ARAP2: variants seen among roughly 807,000 people sequenced by gnomAD.
ARAP2 encodes arf-GAP with Rho-GAP domain, ANK repeat and PH domain-containing protein 2.
ARAP2 carries 148 observed loss-of-function variants against 194.5 expected under a neutral mutation model. That is an observed-to-expected ratio of 0.76 (90% confidence interval 0.67 to 0.87). ARAP2 has a LOEUF of 0.87. ARAP2 is among the 40% of genes least tolerant of loss of function. The probability of loss-of-function intolerance (pLI) is 0.00; values close to 1 mark genes in which losing one functional copy is unlikely to be tolerated. For synonymous variants in ARAP2, 695 were observed against 683.5 expected, an observed-to-expected ratio of 1.02 and a Z score of -0.26; for missense variants, 2,128 against 1,989.7, an observed-to-expected ratio of 1.07 and a Z score of -1.32.
chr4:36,150,843 C>G (rs1450687705), intron 16 of ARAP2, 57 bp downstream of exon 16: 11 of 1,538,080 alleles, frequency 7.2e-6, no homozygotes, highest in Non-Finnish European at 9.7e-6. Flanking sequence ...CTCTCATTAC[C>G]TGTTATAATT....
intron 5 of ARAP2, among the ~76,000 whole-genome samples, chr4:36,034,702 C>T (rs187158127): frequency 6.6e-5 from 10 of 152,114 alleles, no homozygotes; most frequent in Non-Finnish European, 1.0e-4. Context: ...CAGCTTTTGC[C>T]TGTTCAGTAT....
intron 32 of ARAP2, among the ~76,000 whole-genome samples, chr4:36,071,258 TA>T (rs1240693257): frequency 6.6e-6 from 1 of 152,178 alleles, no homozygotes; most frequent in Non-Finnish European, 1.5e-5. Flanking sequence ...AACAGCACTA[TA>T]AGGTGGGGGC....
chr4:36,194,877 A>G (rs1742733561), intron 6 of ARAP2, among the ~76,000 whole-genome samples: 1 of 149,254 alleles, frequency 6.7e-6, no homozygotes, highest in African/African-American at 2.4e-5. Flanking sequence ...CTAATTACAG[A>G]AAAAAAATAT....
In ARAP2 at chr4:36,165,179, G is replaced by A. The variant is rs77644774; in HGVS notation, c.1974-66C>T. 2,048 of 1,479,280 alleles carry A rather than the reference G, an allele frequency of 1.4e-3. 30 individuals carry two copies. In the African/African-American group the frequency reaches 0.025, roughly 18 times the overall value. The allele number at this position is 1,479,280 out of a possible 1,614,324, so 91.6% of individuals were successfully genotyped here. On this transcript the variant is annotated intron_variant, in intron 10 of 32. Transcript: ENST00000303965. ...AAAGGCCAATTAAGCAGTATGTTCAGTTTGCATATTCATTTCACTCACAAA... is the reference window on the plus strand; with the variant it reads ...AAAGGCCAATTAAGCAGTATGTTCAATTTGCATATTCATTTCACTCACAAA...
At chr4:36,124,523 C>T (rs754591368) in intron 22 of ARAP2, among the ~76,000 whole-genome samples, 3 of 151,852 alleles carry the variant, frequency 2.0e-5, no homozygotes, top group African/African-American at 4.8e-5. Context: ...AAGATATAAA[C>T]TGATAATAAA....
chr4:36,227,667 G>T (rs937762497), intron 2 of ARAP2, among the ~76,000 whole-genome samples: 16 of 152,108 alleles, frequency 1.1e-4, no homozygotes, highest in African/African-American at 3.9e-4. Flanking sequence ...ACTCCAGCGT[G>T]GAGCCTGTGC....
chr4:36,229,450 C>T lies in ARAP2; in HGVS notation c.37G>A (p.Asp13Asn), dbSNP rs769385922. Residue 13 changes from aspartate (D) to asparagine (N), a missense_variant, in exon 2 of 33, where the codon GAT (aspartate) becomes AAT (asparagine). By Grantham distance (23) the Asp-to-Asn change is conservative (BLOSUM62 1). Transcript: ENST00000303965. ...TCCAAATTAATGCTCATTAGGAAAT[C>T]TTTTATATCCACATTTACTTCACTG... Reference protein sequence around the residue: ...SVSEVNVDIKDFLMSINLEQY... With the variant: ...SVSEVNVDIKNFLMSINLEQY... 3 of 1,612,478 alleles carry T rather than the reference C, an allele frequency of 1.9e-6. No individual in the cohort carries two copies. Among genetic ancestry groups the T allele is most frequent in the South Asian group, 1.1e-5 (1 of 90,950 alleles).
At chr4:36,035,335 C>G (rs1323264290) in intron 5 of ARAP2, among the ~76,000 whole-genome samples, 1 of 151,992 alleles carries the variant, frequency 6.6e-6, no homozygotes, top group Non-Finnish European at 1.5e-5. Context: ...AGGAACTTAT[C>G]CATCTATTCT....
intron 5 of ARAP2, among the ~76,000 whole-genome samples, chr4:36,035,273 G>A (rs928712216): frequency 6.6e-6 from 1 of 152,020 alleles, no homozygotes. Flanking sequence ...TTATCAGTCT[G>A]TTCAGGAAGT....
intron 9 of ARAP2, among the ~76,000 whole-genome samples, chr4:36,176,400 T>A (rs1415526033): frequency 3.3e-5 from 5 of 152,142 alleles, no homozygotes; most frequent in Admixed American, 3.3e-4. Flanking sequence ...AAAGTGTTAA[T>A]AAAACTTTTA....
At chr4:36,047,055 G>C (rs1236122543) in intron 3 of ARAP2, 1 of 152,214 alleles carries the variant, frequency 6.6e-6, no homozygotes. Context: ...AGAGGCACAT[G>C]CTGGGATATT....
At chr4:36,013,277 A>T (rs982943032) in intron 8 of ARAP2, among the ~76,000 whole-genome samples, 6 of 152,190 alleles carry the variant, frequency 3.9e-5, no homozygotes, top group South Asian at 2.1e-4. Context: ...TGTGTACATG[A>T]CTGCCGTTTA....
In ARAP2 at chr4:36,119,761, C is replaced by T. The variant is rs80043902; in HGVS notation, c.3895-43G>A. On this transcript the variant is annotated intron_variant, in intron 23 of 32. Coordinates refer to ENST00000303965, the MANE Select transcript of ARAP2 (RefSeq NM_015230.4). ...CGGGACATTCTAATAATGTAGAATACGAAGAGTGATGACACTCATCCTCAT... is the reference window on the plus strand; with the variant it reads ...CGGGACATTCTAATAATGTAGAATATGAAGAGTGATGACACTCATCCTCAT... 1,009 of 1,374,114 alleles carry T rather than the reference C, an allele frequency of 7.3e-4. 3 individuals are homozygous for T. The highest frequency in any genetic ancestry group is 4.6e-3 in the East Asian group (200 of 43,212). The allele number at this position is 1,374,114 out of a possible 1,614,324, so 85.1% of individuals were successfully genotyped here.
At chr4:36,091,252 A>T (rs1352541708) in intron 28 of ARAP2, among the ~76,000 whole-genome samples, 2 of 152,168 alleles carry the variant, frequency 1.3e-5, no homozygotes, top group Non-Finnish European at 2.9e-5. Flanking sequence ...TTACTTATTC[A>T]TGTAACCAGC....
rs73806465 is a variant in ARAP2 at position 36,116,710 on chromosome 4, G to A, written c.4038+351C>T. The stretch of plus-strand genomic sequence containing the variant: ...TGAATCCTCACATCAATGCTATGAT[G>A]TAATACTGTGATTTTTCCTAATTTT... On this transcript the variant is annotated intron_variant, in intron 25 of 32. Coordinates refer to ENST00000303965, the MANE Select transcript of ARAP2 (RefSeq NM_015230.4). Among the ~76,000 whole-genome samples the A allele has an allele frequency of 5.4e-3, 813 of 151,904 alleles. 11 individuals are homozygous for A. The highest frequency in any genetic ancestry group is 0.018 in the African/African-American group (767 of 41,536).
At chr4:36,106,781 CTT>C (rs1048727201) in intron 27 of ARAP2, among the ~76,000 whole-genome samples, 3 of 151,754 alleles carry the variant, frequency 2.0e-5, no homozygotes, top group Non-Finnish European at 4.4e-5. Context: ...TTAAAAAAAA[CTT>C]TAAATGAGCT....
At position 36,128,730 on chromosome 4, in the gene ARAP2, T is replaced by A; in HGVS notation, c.3443A>T (p.Tyr1148Phe). 1 of 1,596,474 alleles carries A rather than the reference T, an allele frequency of 6.3e-7. No homozygotes were observed. Among genetic ancestry groups the A allele is most frequent in the East Asian group, 2.3e-5 (1 of 44,216 alleles). Residue 1148 changes from tyrosine to phenylalanine, a missense_variant, in exon 21 of 33, where the codon TAT becomes TTT. Transcript: ENST00000303965. ...FVTQYGLGCK[Y>F]IYQKNGDPLH... ...AGGATCACCATTCTTTTGATAGATA[T>A]ATTTGCATCCTAAACCTTTGTTTAA...
At chr4:36,124,631 G>GT (rs1021195496) in intron 22 of ARAP2, among the ~76,000 whole-genome samples, 1 of 151,750 alleles carries the variant, frequency 6.6e-6, no homozygotes, top group Non-Finnish European at 1.5e-5. Flanking sequence ...TCCAAACCAA[G>GT]TGAGTTTTTA....
At chr4:36,148,155 T>C (rs931176114) in intron 17 of ARAP2, among the ~76,000 whole-genome samples, 4 of 152,174 alleles carry the variant, frequency 2.6e-5, no homozygotes, top group African/African-American at 7.2e-5. Flanking sequence ...GTATTGAGAA[T>C]ATCCTAACCA....
Sources: allele counts gnomAD v4.1 joint callset (sites outside exome capture counted in the v4.1 genomes callset), GRCh38; gene constraint gnomAD v4.1.1; transcripts MANE v1.5; gene names NCBI Gene and HGNC (gene_info 2026-07-23, HGNC 2026-07-21).